The following IMMP2L variants were observed in gnomAD, a reference collection of about 807,000 sequenced individuals.
IMMP2L encodes the protein mitochondrial inner membrane protease subunit 2.
IMMP2L carries 18 observed loss-of-function variants against 19.3 expected under a neutral mutation model. That is an observed-to-expected ratio of 0.93 (90% CI 0.64 to 1.38). The LOEUF is 1.38. IMMP2L is among the 40% of genes most tolerant of loss of function. The pLI is 0.00. For synonymous variants in IMMP2L, 76 were observed against 73.0 expected (o/e 1.04, Z -0.21); for missense variants, 233 against 218.2 (o/e 1.07, Z -0.43).
chr7:110,980,485 G>A (rs921109208), intron 3 of IMMP2L, among the ~76,000 whole-genome samples: 6 of 151,806 alleles, frequency 4.0e-5, no homozygotes, highest in Admixed American at 3.9e-4. Flanking sequence ...CAGAGTGCTG[G>A]GATTACAAGC....
rs573064438 is a variant in IMMP2L, at chr7:110,804,513, G to A, written c.408+82080C>T. Among the ~76,000 whole-genome samples, 11 of 152,026 alleles carry A rather than the reference G, an allele frequency of 7.2e-5. 1 individual carries two copies. The East Asian group carries it at 1.9e-3, about 27-fold the overall frequency. On this transcript the variant is annotated intron_variant, in intron 5 of 5. Transcript: ENST00000405709. ...GGAACTCTGGTTTCTAATGCACACCGAGTCCTGTGGCACACTACTAGCTGT... is the reference window on the plus strand; with the variant it reads ...GGAACTCTGGTTTCTAATGCACACCAAGTCCTGTGGCACACTACTAGCTGT...
intron 4 of IMMP2L, among the ~76,000 whole-genome samples, chr7:110,911,274 C>A (rs1813030965): frequency 6.6e-6 from 1 of 151,910 alleles, no homozygotes; most frequent in Non-Finnish European, 1.5e-5. Context: ...ACAAAAGTTA[C>A]AAAAATGCAT....
At chr7:111,119,733 C>T (rs1800353398) in intron 3 of IMMP2L, among the ~76,000 whole-genome samples, 1 of 152,124 alleles carries the variant, frequency 6.6e-6, no homozygotes, top group African/African-American at 2.4e-5. Context: ...ATTTCTTGAG[C>T]ACATACTACA....
chr7:111,406,653 T>C (rs1293649707), intron 3 of IMMP2L, among the ~76,000 whole-genome samples: 2 of 152,036 alleles, frequency 1.3e-5, no homozygotes, highest in African/African-American at 4.8e-5. Flanking sequence ...CTTATCTAGG[T>C]GGTTTAATTC....
At chr7:111,197,631 T>C (rs532711742) in intron 3 of IMMP2L, among the ~76,000 whole-genome samples, 1 of 152,312 alleles carries the variant, frequency 6.6e-6, no homozygotes, top group South Asian at 2.1e-4. Context: ...AAGTACCATC[T>C]GTCATCAGTT....
chr7:111,481,406 T>A (rs1842174723), intron 3 of IMMP2L, among the ~76,000 whole-genome samples: 1 of 152,138 alleles, frequency 6.6e-6, no homozygotes, highest in Non-Finnish European at 1.5e-5. Flanking sequence ...TGCCACTTAT[T>A]AATATTTACT....
At chr7:110,750,497 TTTATA>T (rs1295860986) in intron 5 of IMMP2L, among the ~76,000 whole-genome samples, 2 of 152,144 alleles carry the variant, frequency 1.3e-5, no homozygotes, top group African/African-American at 4.8e-5. Context: ...TGCATTTATC[TTTATA>T]TATTTTAAAC....
intron 4 of IMMP2L, among the ~76,000 whole-genome samples, chr7:110,923,959 A>G (rs1360459564): frequency 1.3e-5 from 2 of 152,156 alleles, no homozygotes; most frequent in Non-Finnish European, 2.9e-5. Context: ...CCCCCCACTG[A>G]TGCACAGGGG....
intron 3 of IMMP2L, among the ~76,000 whole-genome samples, chr7:111,480,466 C>A (rs1388576766): frequency 6.6e-6 from 1 of 151,750 alleles, no homozygotes; most frequent in Admixed American, 6.6e-5. Context: ...AATACCTATA[C>A]TATCTCATTT....
rs544344184 is a variant in IMMP2L at position 111,481,598 on chromosome 7, G to GT, written c.239+5639dup. 1.0e-2 allele frequency among the ~76,000 whole-genome samples: 1,452 copies of GT among 145,642 alleles called. 24 individuals are homozygous for GT. Among genetic ancestry groups the GT allele is most frequent in the African/African-American group, 0.031 (1,232 of 40,148 alleles). ...TCAATAAACACTTTAAAAATATTAT[G>GT]TTTTTTTTTTTTCTCTCCATAGATT... On this transcript the variant is annotated intron_variant, in intron 3 of 5. Transcript: ENST00000405709.
intron 3 of IMMP2L, among the ~76,000 whole-genome samples, chr7:111,026,192 T>C (rs892429572): frequency 6.6e-6 from 1 of 152,170 alleles, no homozygotes; most frequent in South Asian, 2.1e-4. Flanking sequence ...TTCTACTACA[T>C]TGTATAATTT....
At chr7:111,525,396 C>G (rs764097804) in intron 1 of IMMP2L, among the ~76,000 whole-genome samples, 19 of 152,054 alleles carry the variant, frequency 1.2e-4, no homozygotes, top group Non-Finnish European at 2.1e-4. Context: ...ACCTCACAGG[C>G]CCCGTAAGGA....
intron 5 of IMMP2L, among the ~76,000 whole-genome samples, chr7:110,779,531 G>A (rs1799602462): frequency 6.6e-6 from 1 of 151,882 alleles, no homozygotes; most frequent in Non-Finnish European, 1.5e-5. Flanking sequence ...TTTTGGTGAT[G>A]TGCTACTGTG....
chr7:111,496,747 C>T (rs1745701606), intron 2 of IMMP2L, among the ~76,000 whole-genome samples: 1 of 152,248 alleles, frequency 6.6e-6, no homozygotes, highest in Non-Finnish European at 1.5e-5. Context: ...GAGAGTTATA[C>T]CATCAGCTTC....
At chr7:111,425,488 G>C (rs1585050432) in intron 3 of IMMP2L, among the ~76,000 whole-genome samples, 1 of 151,052 alleles carries the variant, frequency 6.6e-6, no homozygotes, top group East Asian at 1.9e-4. Flanking sequence ...AGGGGGAAGT[G>C]CCTATAGTTT....
rs967160962 is a variant in IMMP2L at position 111,287,571 on chromosome 7, A to G, written c.239+199667T>C. ...ACCAAAAAAAAAAAATAAACAAACA[A>G]AATATACTTTAAATTGGCAATATTT... On this transcript the variant is annotated intron_variant, in intron 3 of 5. Coordinates refer to ENST00000405709, the MANE Select transcript of IMMP2L (RefSeq NM_032549.4). Among the ~76,000 whole-genome samples the G allele has an allele frequency of 7.2e-5, 11 of 152,124 alleles. 1 individual carries two copies. Among genetic ancestry groups the G allele is most frequent in the Admixed American group, 5.9e-4 (9 of 15,268 alleles).
At chr7:111,501,954 C>T (rs1013678242) in intron 2 of IMMP2L, among the ~76,000 whole-genome samples, 66 of 152,108 alleles carry the variant, frequency 4.3e-4, no homozygotes, top group African/African-American at 1.3e-3. Flanking sequence ...AATGACAGGA[C>T]CAAATTCACA....
At chr7:110,904,851 A>G (rs1156502309) in intron 4 of IMMP2L, among the ~76,000 whole-genome samples, 1 of 152,224 alleles carries the variant, frequency 6.6e-6, no homozygotes, top group African/African-American at 2.4e-5. Context: ...CCGGAACCAC[A>G]TAATTAATAT....
At chr7:111,493,263 CTA>C (rs923672254) in intron 2 of IMMP2L, among the ~76,000 whole-genome samples, 3 of 152,012 alleles carry the variant, frequency 2.0e-5, no homozygotes, top group African/African-American at 7.2e-5. Context: ...ACACAATAAA[CTA>C]TCTTGTTTAT....
Sources: gnomAD v4.1 joint callset for allele counts (sites outside exome capture counted in the v4.1 genomes callset) on GRCh38, gnomAD v4.1.1 for gene constraint, MANE v1.5 for transcripts, NCBI Gene and HGNC (gene_info 2026-07-23, HGNC 2026-07-21) for gene names.